Variants in PDLIM5 observed in about 807,000 individuals in gnomAD.
PDLIM5 encodes PDZ and LIM domain protein 5.
A neutral mutation model predicts 64.2 loss-of-function variants in PDLIM5; 34 were observed. That is an observed-to-expected ratio of 0.53 (90% CI 0.40 to 0.71). PDLIM5 has a LOEUF of 0.71. Ranked by LOEUF, PDLIM5 falls within the 30% of genes least tolerant of loss-of-function variation. The probability of loss-of-function intolerance (pLI) is 0.00; values close to 1 mark genes in which losing one functional copy is unlikely to be tolerated. For missense variants in PDLIM5, 683 were observed against 733.6 expected (o/e 0.93, Z 0.80); for synonymous variants, 253 against 269.1 (o/e 0.94, Z 0.59).
intron 8 of PDLIM5, among the ~76,000 whole-genome samples, chr4:94,625,663 C>T (rs979401035): frequency 6.6e-6 from 1 of 152,078 alleles, no homozygotes; most frequent in African/African-American, 2.4e-5. Context: ...CCGTGTTAGC[C>T]AGGATGGTCT....
intron 3 of PDLIM5, among the ~76,000 whole-genome samples, chr4:94,538,992 C>T (rs1000398643): frequency 2.6e-5 from 4 of 152,078 alleles, no homozygotes; most frequent in African/African-American, 9.7e-5. Context: ...ATTTTTAAAA[C>T]TAAGGACAGT....
chr4:94,451,951 C>T lies in PDLIM5; in HGVS notation c.-87C>T, dbSNP rs1722878468. ...GCCCTCACCGCGAGTCACTTGTCAG[C>T]CCTTGTCTGAGGCGGAGGCAGCCCC... is the stretch of plus-strand genomic sequence containing the variant. On this transcript the variant is annotated 5_prime_UTR_variant, in exon 1 of 13. Transcript: ENST00000317968. 1 of 152,306 alleles carries T rather than the reference C, an allele frequency of 6.6e-6. No individual in the cohort carries two copies. The highest frequency in any genetic ancestry group is 2.1e-4 in the South Asian group (1 of 4,834). 9.4% of individuals were successfully genotyped at this position (152,306 alleles called of 1,614,324 possible).
chr4:94,508,563 A>G (rs754413820), intron 2 of PDLIM5, among the ~76,000 whole-genome samples: 2 of 152,176 alleles, frequency 1.3e-5, no homozygotes, highest in Non-Finnish European at 2.9e-5. Flanking sequence ...TCTCTAAGGG[A>G]TAGGAGAACA....
intron 11 of PDLIM5, among the ~76,000 whole-genome samples, chr4:94,657,902 C>T (rs1343222107): frequency 2.0e-5 from 3 of 152,184 alleles, no homozygotes; most frequent in South Asian, 2.1e-4. Flanking sequence ...GACAGGGTTT[C>T]GTCATGTTGG....
intron 11 of PDLIM5, among the ~76,000 whole-genome samples, chr4:94,660,744 G>A (rs34507709): frequency 6.6e-6 from 1 of 151,862 alleles, no homozygotes; most frequent in African/African-American, 2.4e-5. Context: ...GCCAAGTAAG[G>A]TTAATCGAGT....
chr4:94,478,710 A>G (rs1452010227), intron 2 of PDLIM5, among the ~76,000 whole-genome samples: 1 of 152,182 alleles, frequency 6.6e-6, no homozygotes, highest in Non-Finnish European at 1.5e-5. Context: ...AACTACTATT[A>G]CAAATGTACA....
At chr4:94,506,900 G>T (rs1560663506) in intron 2 of PDLIM5, among the ~76,000 whole-genome samples, 1 of 152,190 alleles carries the variant, frequency 6.6e-6, no homozygotes, top group African/African-American at 2.4e-5. Flanking sequence ...GGCAGAAGAA[G>T]ATGGGATTAT....
chr4:94,658,501 T>C lies in PDLIM5; in HGVS notation c.1585+954T>C, dbSNP rs1198021257. On this transcript the variant is annotated intron_variant, in intron 11 of 12. Coordinates refer to ENST00000317968, the MANE Select transcript of PDLIM5 (RefSeq NM_006457.5). ...GTTTCAAAATACAAAACATTTTTCC[T>C]TTATTGTGCCTCTATTCACTACCAG... 4.6e-5 allele frequency among the ~76,000 whole-genome samples: 7 copies of C among 152,360 alleles called. No homozygotes were observed. The East Asian group carries it at 1.3e-3, about 29-fold the overall frequency.
chr4:94,592,312 T>G (rs1736729871), intron 7 of PDLIM5, among the ~76,000 whole-genome samples: 4 of 152,374 alleles, frequency 2.6e-5, no homozygotes, highest in Admixed American at 2.6e-4. Flanking sequence ...CATGTTATAG[T>G]CTTCCATATA....
At chr4:94,602,085 G>A (rs114080321) in intron 7 of PDLIM5, among the ~76,000 whole-genome samples, 1,902 of 152,210 alleles carry the variant, frequency 0.012, 47 homozygotes, top group African/African-American at 0.044. Context: ...TTGCTTTGTG[G>A]AAGTAGAATA....
At chr4:94,514,420 C>G (rs1366492377) in intron 2 of PDLIM5, among the ~76,000 whole-genome samples, 1 of 152,102 alleles carries the variant, frequency 6.6e-6, no homozygotes, top group African/African-American at 2.4e-5. Context: ...AGGCGTGAGC[C>G]ACTTCGCCTG....
intron 3 of PDLIM5, among the ~76,000 whole-genome samples, chr4:94,555,329 A>G (rs916133874): frequency 5.3e-5 from 8 of 152,362 alleles, no homozygotes; most frequent in Admixed American, 1.3e-4. Context: ...TGCTGGGATT[A>G]CAGGCATGAG....
intron 11 of PDLIM5, among the ~76,000 whole-genome samples, chr4:94,662,021 A>G (rs888384094): frequency 1.3e-5 from 2 of 152,062 alleles, no homozygotes; most frequent in Non-Finnish European, 1.5e-5. Flanking sequence ...GGGTTTCACC[A>G]CTTTGGCCAG....
chr4:94,608,500 T>G (rs1269325446), intron 7 of PDLIM5, among the ~76,000 whole-genome samples: 2 of 152,164 alleles, frequency 1.3e-5, no homozygotes, highest in Non-Finnish European at 2.9e-5. Flanking sequence ...CAGGTAAAGG[T>G]CATACACAAT....
At chr4:94,617,324 ACT>A (rs981700235) in intron 7 of PDLIM5, among the ~76,000 whole-genome samples, 2 of 152,160 alleles carry the variant, frequency 1.3e-5, no homozygotes, top group Non-Finnish European at 2.9e-5. Flanking sequence ...TAAACAGGTA[ACT>A]CTTGGTTGAG....
intron 2 of PDLIM5, among the ~76,000 whole-genome samples, chr4:94,487,748 T>C (rs1044332526): frequency 3.9e-5 from 6 of 152,174 alleles, no homozygotes; most frequent in Non-Finnish European, 7.3e-5. Context: ...ACGGTGGTGG[T>C]GAGAGTATTC....
intron 7 of PDLIM5, among the ~76,000 whole-genome samples, chr4:94,593,781 T>C (rs1736857243): frequency 6.6e-6 from 1 of 152,210 alleles, no homozygotes; most frequent in Non-Finnish European, 1.5e-5. Flanking sequence ...TGACAGATTG[T>C]CATTTAAGAA....
intron 2 of PDLIM5, among the ~76,000 whole-genome samples, chr4:94,505,113 T>C (rs1289158990): frequency 6.6e-6 from 1 of 152,222 alleles, no homozygotes; most frequent in Admixed American, 6.5e-5. Context: ...TATTTCCCCA[T>C]ACACCAACCA....
rs79301491 is a variant in PDLIM5 at position 94,565,245 on chromosome 4, G to A, written c.249-8106G>A. ...GCTAGATTTTGACTATAATATAAGG[G>A]TGTTTGTTTGTATGTTTATAAAAAT... On this transcript the variant is annotated intron_variant, in intron 3 of 12. Transcript: ENST00000317968. Among the ~76,000 whole-genome samples the A allele has an allele frequency of 7.7e-3, 1,171 of 152,224 alleles. 6 individuals carry two copies. The highest frequency in any genetic ancestry group is 0.013 in the Non-Finnish European group (874 of 68,016).
Sources: allele counts gnomAD v4.1 joint callset (sites outside exome capture counted in the v4.1 genomes callset), GRCh38; gene constraint gnomAD v4.1.1; transcripts MANE v1.5; gene names NCBI Gene and HGNC (gene_info 2026-07-23, HGNC 2026-07-21).